Variants in ZSWIM5 observed in about 807,000 individuals in gnomAD.
ZSWIM5 encodes the protein zinc finger SWIM domain-containing protein 5.
A neutral mutation model predicts 119.6 loss-of-function variants in ZSWIM5; 55 were observed. The ratio of observed to expected loss-of-function variants is 0.46; its 90% CI spans 0.37 to 0.58. The LOEUF is 0.58. Among genes scored for constraint, ZSWIM5 ranks in the 20% least tolerant of loss-of-function variants. ZSWIM5 has a pLI of 0.00. For missense variants in ZSWIM5, 1,193 were observed against 1,512.8 expected, an observed-to-expected ratio of 0.79 and a Z score of 3.51; for synonymous variants, 537 against 606.9, an observed-to-expected ratio of 0.88 and a Z score of 1.69.
At chr1:45,087,514 C>A (rs1645337957) in intron 2 of ZSWIM5, among the ~76,000 whole-genome samples, 1 of 152,192 alleles carries the variant, frequency 6.6e-6, no homozygotes, top group South Asian at 2.1e-4. Context: ...ATTCTCATAT[C>A]CATCTCAATT....
chr1:45,108,394 G>A (rs764975711), intron 1 of ZSWIM5, among the ~76,000 whole-genome samples: 12 of 152,192 alleles, frequency 7.9e-5, no homozygotes, highest in Non-Finnish European at 1.5e-4. Context: ...AAAAGGAAGA[G>A]GACATAGGTA....
intron 1 of ZSWIM5, among the ~76,000 whole-genome samples, chr1:45,163,520 C>T (rs1173186115): frequency 2.0e-5 from 3 of 151,896 alleles, no homozygotes; most frequent in Non-Finnish European, 4.4e-5. Context: ...TAATAACAAA[C>T]TTCTCCGAGC....
intron 11 of ZSWIM5, among the ~76,000 whole-genome samples, chr1:45,028,767 T>TA (rs113568588): frequency 2.1e-4 from 31 of 149,644 alleles, no homozygotes; most frequent in Admixed American, 6.7e-4. Context: ...AAAATAAAAA[T>TA]AAAAAAAAAT....
intron 1 of ZSWIM5, among the ~76,000 whole-genome samples, chr1:45,177,912 A>G (rs1457272634): frequency 6.6e-6 from 1 of 151,980 alleles, no homozygotes; most frequent in Admixed American, 6.6e-5. Flanking sequence ...TCTCTATTTG[A>G]GTAATAAATT....
Position 45,205,924 on chromosome 1 carries a change from G to C in ZSWIM5, c.427C>G (p.Pro143Ala), listed in dbSNP as rs1287815169. The change falls in exon 1 of 14, where the codon CCC becomes GCC. Residue 143 changes from proline (P) to alanine (A), a missense_variant. Physicochemically the swap from Pro to Ala is conservative, Grantham distance 27. Coordinates refer to ENST00000359600, the MANE Select transcript of ZSWIM5 (RefSeq NM_020883.2). ...SPAEEGPQPP[P>A]GAAAPAGSAP... ...GAGCCGGCCGGAGCGGCGGCCCCGG[G>C]GGGTGGCTGCGGCCCCTCCTCGGCC... is the stretch of plus-strand genomic sequence containing the variant. 3.6e-6 allele frequency: 4 copies of C among 1,120,090 alleles called. No individual in the cohort carries two copies. The highest frequency in any genetic ancestry group is 5.1e-5 in the Admixed American group (1 of 19,442). The allele number at this position is 1,120,090 out of a possible 1,614,324, so 69.4% of individuals were successfully genotyped here.
chr1:45,137,923 A>C (rs558525025), intron 1 of ZSWIM5, among the ~76,000 whole-genome samples: 1 of 152,196 alleles, frequency 6.6e-6, no homozygotes, highest in Admixed American at 6.5e-5. Context: ...AGGAACAAGG[A>C]GGCCAGTTAC....
rs1340255538 is a variant in ZSWIM5, at chr1:45,018,073, T to G, written c.*381A>C. The G allele has an allele frequency of 4.3e-6, 1 of 234,746 alleles. No homozygotes were observed. The highest frequency in any genetic ancestry group is 2.2e-5 in the African/African-American group (1 of 44,638). The allele number at this position is 234,746 out of a possible 1,614,324, so 14.5% of individuals were successfully genotyped here. On this transcript the variant is annotated 3_prime_UTR_variant, in exon 14 of 14. Coordinates refer to ENST00000359600, the MANE Select transcript of ZSWIM5 (RefSeq NM_020883.2). This position sits in a 1 kb window ranked among gnomAD's most constrained non-coding sequence, Gnocchi z 6.7. ...AGTTTACAATAATTAGCAACACATA[T>G]AGTATTTACAGTCCCACAAATGTGT...
At chr1:45,049,565 T>C (rs1298534238) in intron 5 of ZSWIM5, among the ~76,000 whole-genome samples, 4 of 152,116 alleles carry the variant, frequency 2.6e-5, no homozygotes, top group Non-Finnish European at 2.9e-5. Flanking sequence ...ATGCCTGTAA[T>C]ACTAGCACTT....
At chr1:45,182,217 C>G (rs1415830309) in intron 1 of ZSWIM5, among the ~76,000 whole-genome samples, 3 of 151,872 alleles carry the variant, frequency 2.0e-5, no homozygotes, top group Non-Finnish European at 4.4e-5. Context: ...GAGATCGAGA[C>G]CACGGTGAAA....
intron 11 of ZSWIM5, among the ~76,000 whole-genome samples, chr1:45,029,343 G>C (rs1329783714): frequency 6.6e-6 from 1 of 152,134 alleles, no homozygotes; most frequent in Non-Finnish European, 1.5e-5. Context: ...TTTGTAGTAT[G>C]TCCTTTAATT....
intron 2 of ZSWIM5, among the ~76,000 whole-genome samples, chr1:45,074,380 T>C (rs944773612): frequency 1.2e-4 from 18 of 151,922 alleles, no homozygotes. Flanking sequence ...TGACTTTTTT[T>C]ATTATGGCTT....
intron 1 of ZSWIM5, among the ~76,000 whole-genome samples, chr1:45,096,960 C>A (rs1462978589): frequency 6.6e-6 from 1 of 152,152 alleles, no homozygotes; most frequent in Non-Finnish European, 1.5e-5. Context: ...GCTCCAAGTG[C>A]GACTTAGGAA....
chr1:45,125,765 C>CAAAA (rs77954473), intron 1 of ZSWIM5, among the ~76,000 whole-genome samples: 21 of 111,918 alleles, frequency 1.9e-4, no homozygotes, highest in African/African-American at 6.8e-4. Context: ...CTCCGTTTCA[C>CAAAA]AAAAAAAAAA....
chr1:45,121,780 G>A (rs931746174), intron 1 of ZSWIM5, among the ~76,000 whole-genome samples: 2 of 151,570 alleles, frequency 1.3e-5, no homozygotes, highest in Non-Finnish European at 2.9e-5. Context: ...GTAGAGACAG[G>A]GTCTCACTAT....
intron 1 of ZSWIM5, among the ~76,000 whole-genome samples, chr1:45,089,262 G>A (rs189607560): frequency 2.2e-4 from 34 of 152,306 alleles, no homozygotes; most frequent in Middle Eastern, 3.4e-3. Context: ...GATTACAGGC[G>A]TGAGCCACCA....
rs866150717 is a variant in ZSWIM5, at chr1:45,046,026, G to A, written c.1433-2631C>T. Among the ~76,000 whole-genome samples, 3 of 151,920 alleles carry A rather than the reference G, an allele frequency of 2.0e-5. No homozygotes were observed. The South Asian group carries it at 6.2e-4, about 32-fold the overall frequency. On this transcript the variant is annotated intron_variant, in intron 5 of 13. Coordinates refer to ENST00000359600, the MANE Select transcript of ZSWIM5 (RefSeq NM_020883.2). ...TGGAGTGTTTGAGAAGAGTGAGGAG[G>A]CCAGTATAGTTGGATGGAATGAGCA...
chr1:45,081,848 C>T (rs1252582453), intron 2 of ZSWIM5, among the ~76,000 whole-genome samples: 10 of 151,952 alleles, frequency 6.6e-5, no homozygotes, highest in Middle Eastern at 3.4e-3. Context: ...TCATTGAGAA[C>T]GGGCCAGGAT....
chr1:45,206,290 G>T lies in ZSWIM5; in HGVS notation c.61C>A (p.Arg21=). 6.4e-7 allele frequency: 1 copy of T among 1,570,708 alleles called. No individual in the cohort carries two copies. The change falls in exon 1 of 14, where the codon CGG becomes AGG. Residue 21 remains arginine, a synonymous_variant. Transcript: ENST00000359600. ...TGCGGGCTGGGCCACGAACACTGCC[G>T]CTTAGCCGGAGAGACCGGTGACGGC... ...LSPSPVSPAK[R]QCSWPSPQAH... is the part of the protein sequence containing the mutation.
At chr1:45,037,214 A>G (rs1644990585) in intron 8 of ZSWIM5, among the ~76,000 whole-genome samples, 1 of 148,262 alleles carries the variant, frequency 6.7e-6, no homozygotes, top group Admixed American at 6.8e-5. Context: ...GGGTTCAAGC[A>G]ATTCATCTGC....
Sources: gnomAD v4.1 joint callset for allele counts (sites outside exome capture counted in the v4.1 genomes callset) on GRCh38, gnomAD v4.1.1 for gene constraint, Gnocchi (gnomAD v3.1) non-coding constraint, MANE v1.5 for transcripts, NCBI Gene and HGNC (gene_info 2026-07-23, HGNC 2026-07-21) for gene names.